Variants in CELF2 observed in about 807,000 individuals in gnomAD.
CELF2 encodes CUG triplet repeat RNA-binding protein 2.
Under a neutral mutation model 62.6 loss-of-function variants are expected in CELF2, and 8 were observed. That is an observed-to-expected ratio of 0.13 (90% CI 0.07 to 0.23). CELF2 has a LOEUF of 0.23. Ranked by LOEUF, CELF2 falls within the 10% of genes least tolerant of loss-of-function variation. CELF2 has a pLI of 1.00. For synonymous variants in CELF2, 258 were observed against 250.0 expected (o/e 1.03, Z -0.30); for missense variants, 333 against 671.0 (o/e 0.50, Z 5.56).
Position 11,311,677 on chromosome 10 carries a change from A to G in CELF2, c.977-2462A>G, listed in dbSNP as rs1023957665. Among the ~76,000 whole-genome samples the G allele has an allele frequency of 6.6e-6, 1 of 152,230 alleles. No individual in the cohort carries two copies. Among genetic ancestry groups the G allele is most frequent in the African/African-American group, 2.4e-5 (1 of 41,462 alleles). ...TTCTAGAAATGAAAAAATATAATCA[A>G]ATTGTAAAATTTGGAGATGTAAGTT... is the stretch of plus-strand genomic sequence containing the variant. On this transcript the variant is annotated intron_variant, in intron 9 of 12. Coordinates refer to ENST00000633077, the MANE Select transcript of CELF2 (RefSeq NM_001326342.2). This position sits in a 1 kb window ranked among gnomAD's most constrained non-coding sequence, Gnocchi z 4.7.
intron 1 of CELF2, among the ~76,000 whole-genome samples, chr10:10,815,751 C>T (rs2056397437): frequency 6.6e-6 from 1 of 152,006 alleles, no homozygotes; most frequent in Non-Finnish European, 1.5e-5. Context: ...CTGTGGATCA[C>T]CATTCAGTAA....
At position 11,005,896 on chromosome 10, in the gene CELF2, A is replaced by G. The variant is rs61329687; in HGVS notation, c.53+456A>G. Reference sequence around the variant, plus strand: ...TCTAATCTGGACTTAGCCTACCTAAATAGTCCTCCTGTGTTACCAGGTTTG... The same window carrying G: ...TCTAATCTGGACTTAGCCTACCTAAGTAGTCCTCCTGTGTTACCAGGTTTG... On this transcript the variant is annotated intron_variant, in intron 1 of 12. Transcript: ENST00000416382. This position sits in a 1 kb window ranked among gnomAD's most constrained non-coding sequence, Gnocchi z 4.3. Among the ~76,000 whole-genome samples, 1,492 of 152,296 alleles carry G rather than the reference A, an allele frequency of 9.8e-3. 25 individuals are homozygous for G. The highest frequency in any genetic ancestry group is 0.034 in the African/African-American group (1,421 of 41,556).
intron 1 of CELF2, among the ~76,000 whole-genome samples, chr10:11,143,267 T>C (rs1371572200): frequency 6.6e-6 from 1 of 152,246 alleles, no homozygotes; most frequent in East Asian, 1.9e-4. Context: ...TTCACAGTTC[T>C]AATATCCAGT....
Position 11,275,395 on chromosome 10 carries a change from C to T in CELF2, c.841+275C>T, listed in dbSNP as rs770683483. 7.2e-5 allele frequency among the ~76,000 whole-genome samples: 11 copies of T among 152,204 alleles called. No individual in the cohort carries two copies. In the East Asian group the frequency reaches 7.7e-4, roughly 11 times the overall value. On this transcript the variant is annotated intron_variant, in intron 8 of 12. Coordinates refer to ENST00000633077, the MANE Select transcript of CELF2 (RefSeq NM_001326342.2). ...CTATATCAACAAATGATTATATCAACGACTCTCTAGTCATTTGTTGTTTTT... is the reference window on the plus strand; with the variant it reads ...CTATATCAACAAATGATTATATCAATGACTCTCTAGTCATTTGTTGTTTTT...
the CELF2 span, among the ~76,000 whole-genome samples, chr10:10,613,250 G>C: frequency 2.0e-5 from 3 of 152,046 alleles, no homozygotes; most frequent in Non-Finnish European, 4.4e-5. Flanking sequence ...GCCATGTGGG[G>C]GATCGGAATA....
chr10:10,752,219 A>G, the CELF2 span, among the ~76,000 whole-genome samples: 1 of 152,282 alleles, frequency 6.6e-6, no homozygotes, highest in Admixed American at 6.5e-5. Flanking sequence ...CACTACCTGG[A>G]GGGTTTCTGT....
At chr10:11,252,728 C>A (rs776322410) in intron 4 of CELF2, among the ~76,000 whole-genome samples, 6 of 152,160 alleles carry the variant, frequency 3.9e-5, no homozygotes, top group Non-Finnish European at 7.3e-5. Context: ...CTCGCGGCAT[C>A]GTGTTTTCCA....
the CELF2 span, among the ~76,000 whole-genome samples, chr10:10,634,986 T>C: frequency 1.3e-5 from 2 of 152,156 alleles, no homozygotes; most frequent in Non-Finnish European, 2.9e-5. Context: ...ATGACCCATA[T>C]AGCACAGACT....
chr10:11,118,018 T>C (rs2143827325), intron 1 of CELF2, among the ~76,000 whole-genome samples: 1 of 152,270 alleles, frequency 6.6e-6, no homozygotes, highest in South Asian at 2.1e-4. Flanking sequence ...AACAAAAGGG[T>C]AATCAGAAGC....
the CELF2 span, among the ~76,000 whole-genome samples, chr10:10,681,575 T>C: frequency 2.6e-4 from 39 of 152,188 alleles, no homozygotes; most frequent in Non-Finnish European, 1.3e-4. Flanking sequence ...AATTTTAATT[T>C]CATAAAATTT....
chr10:10,497,282 A>G, the CELF2 span, among the ~76,000 whole-genome samples: 1,222 of 152,280 alleles, frequency 8.0e-3, 7 homozygotes, highest in Non-Finnish European at 0.013. Context: ...CTGAGGAAGA[A>G]AAAAGATCCA....
intron 2 of CELF2, among the ~76,000 whole-genome samples, chr10:10,979,476 G>A (rs1441861398): frequency 6.6e-6 from 1 of 152,106 alleles, no homozygotes; most frequent in Non-Finnish European, 1.5e-5. Context: ...TTCAAGACCA[G>A]CCTGGGCAAC....
chr10:10,786,718 A>T, the CELF2 span: 1 of 152,224 alleles, frequency 6.6e-6, no homozygotes, highest in African/African-American at 2.4e-5. Context: ...GTGGTCTGCC[A>T]TCTCACTTGA....
At chr10:10,716,594 T>C in the CELF2 span, among the ~76,000 whole-genome samples, 4 of 152,220 alleles carry the variant, frequency 2.6e-5, no homozygotes, top group Non-Finnish European at 4.4e-5. Flanking sequence ...TTTCCTTTTT[T>C]GTTAGTTTGG....
At chr10:11,054,800 C>A (rs1055531595) in intron 1 of CELF2, among the ~76,000 whole-genome samples, 1 of 152,124 alleles carries the variant, frequency 6.6e-6, no homozygotes, top group Non-Finnish European at 1.5e-5. Context: ...CTGCGACATC[C>A]GCCTCCTGGG....
At chr10:10,701,715 A>C in the CELF2 span, among the ~76,000 whole-genome samples, 1 of 152,354 alleles carries the variant, frequency 6.6e-6, no homozygotes, top group East Asian at 1.9e-4. Context: ...AATCGCCCAT[A>C]GGCGAGATGG....
At chr10:10,634,253 TTA>T in the CELF2 span, among the ~76,000 whole-genome samples, 1 of 152,166 alleles carries the variant, frequency 6.6e-6, no homozygotes, top group Non-Finnish European at 1.5e-5. Context: ...AAAATTGTCT[TTA>T]TATATATTAT....
chr10:11,267,485 G>A lies in CELF2; in HGVS notation c.618+808G>A, dbSNP rs2082471651. Among the ~76,000 whole-genome samples the A allele has an allele frequency of 6.6e-6, 1 of 152,204 alleles. No homozygotes were observed. Among genetic ancestry groups the A allele is most frequent in the Non-Finnish European group, 1.5e-5 (1 of 68,030 alleles). Reference sequence around the variant, plus strand: ...TATTGTCTGATAGAATCATTTGGGAGTGCATGTTCTGCTGTATTATGTATA... The same window carrying A: ...TATTGTCTGATAGAATCATTTGGGAATGCATGTTCTGCTGTATTATGTATA... On this transcript the variant is annotated intron_variant, in intron 6 of 12. Coordinates refer to ENST00000633077, the MANE Select transcript of CELF2 (RefSeq NM_001326342.2). The surrounding 1 kb of genome is among the most constrained non-coding windows in gnomAD (Gnocchi z 4.4).
At chr10:10,918,904 T>G (rs1006716975) in intron 1 of CELF2, among the ~76,000 whole-genome samples, 2 of 152,136 alleles carry the variant, frequency 1.3e-5, no homozygotes, top group African/African-American at 4.8e-5. Flanking sequence ...TTAAAAGAGT[T>G]CAACCGAAAG....
Sources: allele counts gnomAD v4.1 joint callset (sites outside exome capture counted in the v4.1 genomes callset), GRCh38; gene constraint gnomAD v4.1.1; non-coding constraint Gnocchi (gnomAD v3.1); transcripts MANE v1.5; gene names NCBI Gene and HGNC (gene_info 2026-07-23, HGNC 2026-07-21).